Variants in GCSAML observed in about 807,000 individuals in gnomAD.
The protein encoded by GCSAML is germinal center associated signaling and motility like, also known as germinal center-associated signaling and motility-like protein.
GCSAML carries 9 observed loss-of-function variants against 13.0 expected under a neutral mutation model. That is an observed-to-expected ratio of 0.69 (90% CI 0.42 to 1.21). The LOEUF (loss-of-function observed/expected upper bound fraction) is 1.21, where lower values mean the gene tolerates loss of function less well. GCSAML is among the 50% of genes most tolerant of loss of function. GCSAML has a pLI of 0.00. For missense variants in GCSAML, 143 were observed against 153.4 expected, an observed-to-expected ratio of 0.93 and a Z score of 0.36; for synonymous variants, 37 against 52.9, an observed-to-expected ratio of 0.70 and a Z score of 1.31.
At chr1:247,517,837 C>T (rs1306287190) in intron 1 of GCSAML, among the ~76,000 whole-genome samples, 2 of 152,186 alleles carry the variant, frequency 1.3e-5, no homozygotes, top group Non-Finnish European at 2.9e-5. Flanking sequence ...GTGAACCTCT[C>T]TAAATAGGCA....
intron 2 of GCSAML, among the ~76,000 whole-genome samples, chr1:247,559,158 T>G (rs1050055885): frequency 3.3e-5 from 5 of 152,204 alleles, no homozygotes; most frequent in African/African-American, 1.2e-4. Context: ...CATCATTATG[T>G]GCCTAGATTT....
rs1020110759 is a variant in GCSAML, at chr1:247,575,034, AG to A, written c.*653del. On this transcript the variant is annotated 3_prime_UTR_variant, in exon 5 of 5. Coordinates refer to ENST00000366488, the MANE Select transcript of GCSAML (RefSeq NM_145278.5). ...ACTGACTTCTTAAGTCTTTAGACAAAGCTTAACTCTTTCAACCAATTGCCAA... is the reference window on the plus strand; with the variant it reads ...ACTGACTTCTTAAGTCTTTAGACAAACTTAACTCTTTCAACCAATTGCCAA... The A allele has an allele frequency of 6.6e-6, 1 of 152,512 alleles. No individual in the cohort carries two copies. Among genetic ancestry groups the A allele is most frequent in the Non-Finnish European group, 1.5e-5 (1 of 68,296 alleles). 9.4% of individuals were successfully genotyped at this position (152,512 alleles called of 1,614,324 possible). A position where few individuals can be genotyped will look rare whatever the true frequency, so the allele number is the denominator to read the frequency against.
At chr1:247,524,110 G>A (rs1666559900) in intron 1 of GCSAML, among the ~76,000 whole-genome samples, 1 of 151,894 alleles carries the variant, frequency 6.6e-6, no homozygotes. Context: ...CTGGAAGATC[G>A]CAGGCCATTT....
intron 1 of GCSAML, among the ~76,000 whole-genome samples, chr1:247,510,749 T>G (rs1316550408): frequency 6.6e-6 from 1 of 152,206 alleles, no homozygotes; most frequent in Non-Finnish European, 1.5e-5. Context: ...CTAATTTCAT[T>G]ATTTACCCAG....
chr1:247,524,100 C>T (rs1048666010), intron 1 of GCSAML, among the ~76,000 whole-genome samples: 4 of 151,978 alleles, frequency 2.6e-5, no homozygotes, highest in Non-Finnish European at 4.4e-5. Context: ...TAAATACAAT[C>T]TGGAAGATCG....
chr1:247,516,553 GTTT>G (rs10710175), intron 1 of GCSAML, among the ~76,000 whole-genome samples: 68 of 135,950 alleles, frequency 5.0e-4, no homozygotes, highest in Admixed American at 5.8e-4. Flanking sequence ...CATGTTGACT[GTTT>G]TTTTTTTTTT....
rs1668365861 is a variant in GCSAML at position 247,566,361 on chromosome 1, G to A, written c.168+402G>A. On this transcript the variant is annotated intron_variant, in intron 4 of 4. Coordinates refer to ENST00000366488, the MANE Select transcript of GCSAML (RefSeq NM_145278.5). ...GGGTTCAAGTGATTCTGGTGCCTCA[G>A]CCTCCCAGGTAGCTGGCTTTACAGG... Among the ~76,000 whole-genome samples, 3 of 152,176 alleles carry A rather than the reference G, an allele frequency of 2.0e-5. No homozygotes were observed. In the South Asian group the frequency reaches 6.2e-4, roughly 32 times the overall value.
intron 1 of GCSAML, among the ~76,000 whole-genome samples, chr1:247,523,485 G>A (rs12061460): frequency 0.19 from 28,672 of 152,122 alleles, 2,865 homozygotes; most frequent in African/African-American, 0.23. Flanking sequence ...TCATAGTCAA[G>A]TGAGGCATCA....
intron 1 of GCSAML, among the ~76,000 whole-genome samples, chr1:247,552,091 T>C (rs1667796167): frequency 1.3e-5 from 2 of 152,286 alleles, no homozygotes; most frequent in South Asian, 2.1e-4. Context: ...TTTCTATCAA[T>C]CACCTTGGGG....
intron 2 of GCSAML, chr1:247,529,329 T>C (rs1048852751): frequency 1.3e-5 from 2 of 152,240 alleles, no homozygotes; most frequent in African/African-American, 2.4e-5. Context: ...GAATTGCCCT[T>C]GGAATTCATG....
At chr1:247,515,937 T>C (rs557902359) in intron 1 of GCSAML, among the ~76,000 whole-genome samples, 31 of 152,264 alleles carry the variant, frequency 2.0e-4, no homozygotes, top group Non-Finnish European at 3.4e-4. Flanking sequence ...CACCTACACA[T>C]AGTTAGCTGA....
chr1:247,509,914 T>C (rs1051697877), intron 1 of GCSAML, among the ~76,000 whole-genome samples: 6 of 152,218 alleles, frequency 3.9e-5, no homozygotes, highest in Non-Finnish European at 8.8e-5. Context: ...CAGTATTTTA[T>C]TGAGGATTTT....
chr1:247,558,906 A>G (rs1416215724), intron 2 of GCSAML, among the ~76,000 whole-genome samples: 1 of 151,686 alleles, frequency 6.6e-6, no homozygotes, highest in Non-Finnish European at 1.5e-5. Flanking sequence ...ATTTGTTACC[A>G]GTATCTGTGT....
At chr1:247,558,150 C>CA (rs745506084) in intron 2 of GCSAML, among the ~76,000 whole-genome samples, 35 of 152,326 alleles carry the variant, frequency 2.3e-4, no homozygotes, top group Middle Eastern at 3.4e-3. Context: ...CACTAGTCAG[C>CA]ATGGTGAGGA....
chr1:247,545,785 G>A (rs1292411931), upstream of GCSAML, among the ~76,000 whole-genome samples: 1 of 152,020 alleles, frequency 6.6e-6, no homozygotes, highest in South Asian at 2.1e-4. Flanking sequence ...AAATTTTTTG[G>A]TAATTAACCC....
chr1:247,563,972 G>GC (rs1429941716), intron 3 of GCSAML, among the ~76,000 whole-genome samples: 2 of 151,376 alleles, frequency 1.3e-5, no homozygotes, highest in Admixed American at 6.6e-5. Flanking sequence ...CCACCCTATC[G>GC]CCCAGGCTGG....
At chr1:247,567,092 C>G (rs1252804563) in intron 4 of GCSAML, among the ~76,000 whole-genome samples, 5 of 150,526 alleles carry the variant, frequency 3.3e-5, no homozygotes, top group Admixed American at 6.6e-5. Flanking sequence ...CTCTAAGACA[C>G]CAGGGCTTGG....
At chr1:247,513,173 T>G (rs1666100744) in intron 1 of GCSAML, among the ~76,000 whole-genome samples, 1 of 152,214 alleles carries the variant, frequency 6.6e-6, no homozygotes, top group Admixed American at 6.5e-5. Flanking sequence ...AGCTCCTGAC[T>G]GGGGCTGTTG....
chr1:247,512,873 T>C (rs1367888900), intron 1 of GCSAML, among the ~76,000 whole-genome samples: 1 of 152,156 alleles, frequency 6.6e-6, no homozygotes, highest in Non-Finnish European at 1.5e-5. Context: ...TGCCTGTTCG[T>C]TCCTCTGGAA....
Sources: gnomAD v4.1 joint callset for allele counts (sites outside exome capture counted in the v4.1 genomes callset) on GRCh38, gnomAD v4.1.1 for gene constraint, MANE v1.5 for transcripts, NCBI Gene and HGNC (gene_info 2026-07-23, HGNC 2026-07-21) for gene names.